Variants in PPFIBP1 observed in about 807,000 individuals in gnomAD.
The protein encoded by PPFIBP1 is PPFIB scaffold protein 1.
In PPFIBP1, 112 loss-of-function variants were observed where a neutral mutation model predicts 137.8. The ratio of observed to expected loss-of-function variants is 0.81; its 90% CI spans 0.70 to 0.95. The LOEUF is 0.95. PPFIBP1 is among the 40% of genes least tolerant of loss of function. The pLI is 0.00. For missense variants in PPFIBP1, 1,083 were observed against 1,196.6 expected, an observed-to-expected ratio of 0.91 and a Z score of 1.40; for synonymous variants, 378 against 417.3, an observed-to-expected ratio of 0.91 and a Z score of 1.15.
At chr12:27,637,642 A>G (rs1355095708) in intron 4 of PPFIBP1, among the ~76,000 whole-genome samples, 1 of 152,194 alleles carries the variant, frequency 6.6e-6, no homozygotes. Flanking sequence ...AGAGAATGAC[A>G]GGATGAAAGA....
At chr12:27,563,037 A>C (rs560281435) in intron 1 of PPFIBP1, among the ~76,000 whole-genome samples, 2 of 151,802 alleles carry the variant, frequency 1.3e-5, no homozygotes, top group Admixed American at 1.3e-4. Flanking sequence ...ACTGCTGTGA[A>C]GGAACTTTGC....
At chr12:27,603,569 G>A (rs2054217207) in intron 2 of PPFIBP1, among the ~76,000 whole-genome samples, 1 of 152,188 alleles carries the variant, frequency 6.6e-6, no homozygotes, top group Non-Finnish European at 1.5e-5. Flanking sequence ...ACCAGGGCAA[G>A]GTGGATCGAA....
Position 27,569,810 on chromosome 12 carries a change from C to T in PPFIBP1, c.-123-8342C>T, listed in dbSNP as rs186804843. Among the ~76,000 whole-genome samples, 16 of 152,226 alleles carry T rather than the reference C, an allele frequency of 1.1e-4. No homozygotes were observed. In the East Asian group the frequency reaches 2.7e-3, roughly 26 times the overall value. On this transcript the variant is annotated intron_variant, in intron 1 of 29. Coordinates refer to ENST00000228425, the MANE Select transcript of PPFIBP1 (RefSeq NM_003622.4). ...TCCTGACCTCATGATCCACCTGCCT[C>T]GGCCTCCCAAAGTGCTGGGATTACC...
intron 1 of PPFIBP1, among the ~76,000 whole-genome samples, chr12:27,541,283 G>A (rs1945634274): frequency 1.3e-5 from 2 of 152,052 alleles, no homozygotes; most frequent in African/African-American, 4.8e-5. Flanking sequence ...AATAGAGAAA[G>A]TTGGTGAGAA....
intron 12 of PPFIBP1, among the ~76,000 whole-genome samples, chr12:27,666,132 G>A (rs1001216762): frequency 3.3e-5 from 5 of 152,136 alleles, no homozygotes; most frequent in African/African-American, 4.8e-5. Flanking sequence ...AAAATCACTC[G>A]TAATTGCACT....
chr12:27,665,409 A>G (rs1235649627), intron 12 of PPFIBP1, among the ~76,000 whole-genome samples: 3 of 152,202 alleles, frequency 2.0e-5, no homozygotes, highest in East Asian at 1.9e-4. Context: ...GACGTTTCCA[A>G]CTAAAGCAAC....
intron 7 of PPFIBP1, among the ~76,000 whole-genome samples, chr12:27,650,846 G>C (rs2058833607): frequency 6.6e-6 from 1 of 152,180 alleles, no homozygotes; most frequent in Non-Finnish European, 1.5e-5. Context: ...GAGACAGAGA[G>C]CATATCCATT....
intron 2 of PPFIBP1, among the ~76,000 whole-genome samples, chr12:27,632,243 C>T (rs964463974): frequency 2.0e-5 from 3 of 152,038 alleles, no homozygotes; most frequent in Non-Finnish European, 4.4e-5. Flanking sequence ...GAGTTGATAC[C>T]GGAACTATAA....
intron 2 of PPFIBP1, among the ~76,000 whole-genome samples, chr12:27,601,543 A>T (rs1240688109): frequency 6.6e-6 from 1 of 152,198 alleles, no homozygotes; most frequent in African/African-American, 2.4e-5. Context: ...CCCATGGTTG[A>T]TAATTTAATT....
intron 12 of PPFIBP1, among the ~76,000 whole-genome samples, chr12:27,666,131 C>T (rs1255651686): frequency 1.3e-5 from 2 of 152,132 alleles, no homozygotes; most frequent in African/African-American, 2.4e-5. Context: ...AAAAATCACT[C>T]GTAATTGCAC....
At chr12:27,552,344 A>G (rs1191041765) in intron 1 of PPFIBP1, among the ~76,000 whole-genome samples, 1 of 152,158 alleles carries the variant, frequency 6.6e-6, no homozygotes, top group Non-Finnish European at 1.5e-5. Flanking sequence ...GGGTCAAGAA[A>G]CCTTTTGGCT....
intron 1 of PPFIBP1, among the ~76,000 whole-genome samples, chr12:27,525,414 G>C (rs932650953): frequency 6.6e-6 from 1 of 151,214 alleles, no homozygotes; most frequent in African/African-American, 2.4e-5. Flanking sequence ...TCACTAACTG[G>C]GTGTGATTGA....
chr12:27,563,327 A>G (rs2049336024), intron 1 of PPFIBP1, among the ~76,000 whole-genome samples: 1 of 135,068 alleles, frequency 7.4e-6, no homozygotes, highest in Non-Finnish European at 1.5e-5. Context: ...TGTGGTGGCC[A>G]GCGCCTGTGG....
chr12:27,555,081 TC>T (rs1326353992), intron 1 of PPFIBP1, among the ~76,000 whole-genome samples: 4 of 152,114 alleles, frequency 2.6e-5, no homozygotes, highest in African/African-American at 9.7e-5. Flanking sequence ...GGCAGGCCCT[TC>T]CAGTAAGCAA....
intron 13 of PPFIBP1, among the ~76,000 whole-genome samples, chr12:27,669,604 G>T (rs1178689525): frequency 6.6e-6 from 1 of 152,120 alleles, no homozygotes; most frequent in Non-Finnish European, 1.5e-5. Flanking sequence ...TGTTAGTATA[G>T]TTATATTTTC....
chr12:27,576,128 C>T (rs1280246109), intron 1 of PPFIBP1, among the ~76,000 whole-genome samples: 1 of 152,102 alleles, frequency 6.6e-6, no homozygotes, highest in Admixed American at 6.6e-5. Flanking sequence ...TCTCATAATC[C>T]TCCTCCCATC....
intron 1 of PPFIBP1, among the ~76,000 whole-genome samples, chr12:27,571,018 A>T (rs2050098334): frequency 6.6e-6 from 1 of 152,206 alleles, no homozygotes; most frequent in Admixed American, 6.5e-5. Flanking sequence ...CTGGTAGTAG[A>T]CTGCTCTGGG....
Position 27,660,928 on chromosome 12 carries a change from G to T in PPFIBP1, c.889G>T (p.Ala297Ser), listed in dbSNP as rs1251900170. 4 of 1,613,214 alleles carry T rather than the reference G, an allele frequency of 2.5e-6. No homozygotes were observed. The highest frequency in any genetic ancestry group is 1.7e-6 in the Non-Finnish European group (2 of 1,179,666). ...KMKKAVESLM[A>S]ANEEKDRKIE... ...GAAAAAAGCTGTGGAGTCCTTGATG[G>T]CAGCAAATGAAGAAAAGGTATCCAG... Residue 297 changes from alanine to serine, a missense_variant, in exon 11 of 30, where the codon GCA becomes TCA. Transcript: ENST00000228425.
intron 14 of PPFIBP1, 56 bp downstream of exon 14, chr12:27,671,602 G>A (rs2060204162): frequency 6.9e-6 from 8 of 1,153,928 alleles, no homozygotes; most frequent in Non-Finnish European, 8.6e-6. Context: ...ATCAGCCAAA[G>A]ACAAGGATGT....
Sources: gnomAD v4.1 joint callset for allele counts (sites outside exome capture counted in the v4.1 genomes callset) on GRCh38, gnomAD v4.1.1 for gene constraint, MANE v1.5 for transcripts, NCBI Gene and HGNC (gene_info 2026-07-23, HGNC 2026-07-21) for gene names.